The following FAM53C variants were observed in gnomAD, a reference collection of about 807,000 sequenced individuals.
The protein encoded by FAM53C is protein FAM53C.
FAM53C carries 10 observed loss-of-function variants against 34.7 expected under a neutral mutation model. The ratio of observed to expected loss-of-function variants is 0.29; its 90% CI spans 0.18 to 0.49. FAM53C has a LOEUF of 0.49. Ranked by LOEUF, FAM53C falls within the 20% of genes least tolerant of loss-of-function variation. FAM53C has a pLI of 0.99. For missense variants in FAM53C, 442 were observed against 515.3 expected, an observed-to-expected ratio of 0.86 and a Z score of 1.38; for synonymous variants, 203 against 203.6, an observed-to-expected ratio of 1.00 and a Z score of 0.03.
intron 3 of FAM53C, among the ~76,000 whole-genome samples, chr5:138,344,420 G>C (rs558901385): frequency 1.7e-3 from 262 of 152,386 alleles, no homozygotes; most frequent in Non-Finnish European, 2.8e-3. Context: ...GGGCAAGCGT[G>C]GGGGAGGGGC....
At chr5:138,341,102 G>C in intron 1 of FAM53C, 82 bp from the exon 2 acceptor site, 1 of 628,878 alleles carries the variant, frequency 1.6e-6, no homozygotes, top group South Asian at 1.5e-5. Context: ...TAGGGGTGCT[G>C]TGGTATGTGT....
Position 138,345,421 on chromosome 5 carries a change from T to C in FAM53C, c.733T>C (p.Leu245=). The C allele has an allele frequency of 6.2e-7, 1 of 1,614,032 alleles. No individual in the cohort carries two copies. Among genetic ancestry groups the C allele is most frequent in the Non-Finnish European group, 8.5e-7 (1 of 1,180,024 alleles). ...TCTGGGCCCGCAGGCAAGCCGCTTC[T>C]TGCCCTCTGCCCGGAGCTCTCCCGC... ...PSLGPQASRF[L]PSARSSPASS... The change falls in exon 4 of 5, where the codon TTG becomes CTG. Residue 245 remains leucine, a synonymous_variant. Transcript: ENST00000239906. The surrounding 1 kb of genome is among the most constrained non-coding windows in gnomAD (Gnocchi z 6.3).
At chr5:138,339,977 A>AG (rs1307788822) in intron 1 of FAM53C, among the ~76,000 whole-genome samples, 1 of 152,136 alleles carries the variant, frequency 6.6e-6, no homozygotes, top group Non-Finnish European at 1.5e-5. Flanking sequence ...CTTAGTGTGC[A>AG]GGTGAGGGAG....
At chr5:138,337,874 T>C, upstream of FAM53C, 1 of 1,008,436 alleles carries the variant, frequency 9.9e-7, no homozygotes, top group Non-Finnish European at 1.3e-6. Flanking sequence ...TGTGGCTAAT[T>C]GCGTGACGCG....
At chr5:138,338,262 G>C (rs552456163), upstream of FAM53C, 86 of 1,008,616 alleles carry the variant, frequency 8.5e-5, no homozygotes, top group Middle Eastern at 4.8e-4. Flanking sequence ...CGAACCGAGC[G>C]CTCAGAGCTG....
rs377620767 is a variant in FAM53C, at chr5:138,341,846, A to G, written c.116A>G (p.Asn39Ser). ...CATGCAGACATCTCCAACTGTGGGA[A>G]CTCTTTCCAGCTTGTGTCTGGTAAG... ...PDHADISNCG[N>S]SFQLVSEGAS... The change falls in exon 3 of 5, where the codon AAC becomes AGC. Residue 39 changes from asparagine (N) to serine (S), a missense_variant. Transcript: ENST00000239906. 3.7e-6 allele frequency: 6 copies of G among 1,613,458 alleles called. No individual in the cohort carries two copies. In the African/African-American group the frequency reaches 8.0e-5, roughly 22 times the overall value.
chr5:138,345,371 A>T lies in FAM53C; in HGVS notation c.683A>T (p.Gln228Leu), dbSNP rs746138113. ...DAESLSPCPP[Q>L]RRFSLSPSLG... ...GAGTCCTTGTCACCTTGCCCACCTC[A>T]GCGCCGCTTCTCCCTGTCACCCAGT... Residue 228 changes from glutamine to leucine, a missense_variant, in exon 4 of 5, where the codon CAG becomes CTG. Physicochemically the swap from Gln to Leu is moderately radical, Grantham distance 113. Transcript: ENST00000239906. This position sits in a 1 kb window ranked among gnomAD's most constrained non-coding sequence, Gnocchi z 6.3. 1.9e-6 allele frequency: 3 copies of T among 1,613,766 alleles called. No individual in the cohort carries two copies. The highest frequency in any genetic ancestry group is 2.7e-5 in the African/African-American group (2 of 74,864).
chr5:138,339,595 G>A (rs924615693), intron 1 of FAM53C, among the ~76,000 whole-genome samples: 10 of 152,102 alleles, frequency 6.6e-5, no homozygotes, highest in Admixed American at 2.0e-4. Context: ...GGGTCTCTAG[G>A]GTAAAATCCT....
chr5:138,340,087 C>A lies in FAM53C; in HGVS notation c.-152-1097C>A, dbSNP rs367708396. 1.2e-4 allele frequency among the ~76,000 whole-genome samples: 19 copies of A among 152,238 alleles called. No homozygotes were observed. The South Asian group carries it at 3.9e-3, about 32-fold the overall frequency. On this transcript the variant is annotated intron_variant, in intron 1 of 4. Coordinates refer to ENST00000239906, the MANE Select transcript of FAM53C (RefSeq NM_016605.3). ...GGCCTTGAAGATTCACAAACGGGAA[C>A]GAGAAATGGTAGTCTGTGTGGACTC... is the stretch of plus-strand genomic sequence containing the variant.
In FAM53C at chr5:138,347,031, A is replaced by G; in HGVS notation, c.*72A>G. 1 of 1,592,996 alleles carries G rather than the reference A, an allele frequency of 6.3e-7. No homozygotes were observed. Among genetic ancestry groups the G allele is most frequent in the African/African-American group, 1.3e-5 (1 of 74,744 alleles). Reference sequence around the variant, plus strand: ...GCTACTAACAAGTGTCGAGTCCCCAAGGCTGGGGGCCGAGCCTGGGAATGG... The same window carrying G: ...GCTACTAACAAGTGTCGAGTCCCCAGGGCTGGGGGCCGAGCCTGGGAATGG... On this transcript the variant is annotated 3_prime_UTR_variant, in exon 5 of 5. Coordinates refer to ENST00000239906, the MANE Select transcript of FAM53C (RefSeq NM_016605.3).
chr5:138,346,875 G>T lies in FAM53C; in HGVS notation c.1095G>T (p.Arg365=), dbSNP rs1196779469. The change falls in exon 5 of 5, where the codon CGG becomes CGT. Residue 365 remains arginine (R), a synonymous_variant. Transcript: ENST00000239906. ...AAGAGGAGGAGGAGGGGGCTGTGCGGTGGGGTCGGCAGGCGCTGAGCAAGC... is the reference window on the plus strand; with the variant it reads ...AAGAGGAGGAGGAGGGGGCTGTGCGTTGGGGTCGGCAGGCGCTGAGCAAGC... ...ESEEEEEGAV[R]WGRQALSKRT... The T allele has an allele frequency of 6.2e-7, 1 of 1,614,188 alleles. No individual in the cohort carries two copies. Among genetic ancestry groups the T allele is most frequent in the East Asian group, 2.2e-5 (1 of 44,886 alleles).
At chr5:138,338,235 T>G (rs1203002446), upstream of FAM53C, 1 of 1,220,280 alleles carries the variant, frequency 8.2e-7, no homozygotes, top group Admixed American at 2.3e-5. Flanking sequence ...CCAGCGCCTT[T>G]TAAGGGCACC....
In FAM53C at chr5:138,341,789, G is replaced by C; in HGVS notation, c.79-20G>C. The C allele has an allele frequency of 6.2e-7, 1 of 1,612,870 alleles. No homozygotes were observed. The highest frequency in any genetic ancestry group is 8.5e-7 in the Non-Finnish European group (1 of 1,178,842). On this transcript the variant is annotated intron_variant, in intron 2 of 4. Coordinates refer to ENST00000239906, the MANE Select transcript of FAM53C (RefSeq NM_016605.3). Reference sequence around the variant, plus strand: ...GTGTGTCCTGAATCCAAATCATGATGGATATTCTCTCTTTCTTAGCCTTTG... The same window carrying C: ...GTGTGTCCTGAATCCAAATCATGATCGATATTCTCTCTTTCTTAGCCTTTG...
At chr5:138,342,226 T>C (rs1422822409) in intron 3 of FAM53C, 1 of 239,142 alleles carries the variant, frequency 4.2e-6, no homozygotes, top group South Asian at 1.0e-4. Flanking sequence ...TAGTTTCTTA[T>C]ACAGTATATG....
At chr5:138,346,060 A>T (rs1158717070) in intron 4 of FAM53C, among the ~76,000 whole-genome samples, 2 of 152,160 alleles carry the variant, frequency 1.3e-5, no homozygotes, top group Non-Finnish European at 2.9e-5. Flanking sequence ...TGTTAGACAA[A>T]TGTTTTTTGA....
chr5:138,345,279 C>G lies in FAM53C; in HGVS notation c.591C>G (p.Ala197=). The G allele has an allele frequency of 6.2e-7, 1 of 1,614,224 alleles. No individual in the cohort carries two copies. Among genetic ancestry groups the G allele is most frequent in the South Asian group, 1.1e-5 (1 of 91,088 alleles). ...RPYSPPFFSL[A]LAQDSSRPCA... Reference sequence around the variant, plus strand: ...ACAGCCCTCCTTTCTTCAGCCTGGCCCTGGCCCAAGATTCCTCTCGACCCT... The same window carrying G: ...ACAGCCCTCCTTTCTTCAGCCTGGCGCTGGCCCAAGATTCCTCTCGACCCT... Residue 197 remains alanine (A), a synonymous_variant, in exon 4 of 5, where the codon GCC becomes GCG. Coordinates refer to ENST00000239906, the MANE Select transcript of FAM53C (RefSeq NM_016605.3). This position sits in a 1 kb window ranked among gnomAD's most constrained non-coding sequence, Gnocchi z 6.3.
chr5:138,341,979 G>C (rs1217687815), intron 3 of FAM53C, 113 bp downstream of exon 3: 6 of 944,530 alleles, frequency 6.4e-6, no homozygotes, highest in Non-Finnish European at 1.0e-5. Context: ...GAACCTTCTT[G>C]CCAGGGTCAA....
intron 1 of FAM53C, among the ~76,000 whole-genome samples, chr5:138,339,260 AAG>A (rs775090990): frequency 6.6e-6 from 1 of 152,196 alleles, no homozygotes; most frequent in Non-Finnish European, 1.5e-5. Flanking sequence ...CTGCTTGAGA[AAG>A]AGGAGGCCCC....
At position 138,345,724 on chromosome 5, in the gene FAM53C, C is replaced by A; in HGVS notation, c.921+115C>A. The A allele has an allele frequency of 3.2e-6, 4 of 1,238,546 alleles. No individual in the cohort carries two copies. Among genetic ancestry groups the A allele is most frequent in the Non-Finnish European group, 4.5e-6 (4 of 893,404 alleles). 76.7% of individuals were successfully genotyped at this position (1,238,546 alleles called of 1,614,324 possible). ...GCCGCCCCCACCACCAACAGCACCTCCTTTAGCTCTTAGCTAGGGTGACCT... is the reference window on the plus strand; with the variant it reads ...GCCGCCCCCACCACCAACAGCACCTACTTTAGCTCTTAGCTAGGGTGACCT... On this transcript the variant is annotated intron_variant, in intron 4 of 4. Coordinates refer to ENST00000239906, the MANE Select transcript of FAM53C (RefSeq NM_016605.3). The surrounding 1 kb of genome is among the most constrained non-coding windows in gnomAD (Gnocchi z 6.3).
Sources: gnomAD v4.1 joint callset for allele counts (sites outside exome capture counted in the v4.1 genomes callset) on GRCh38, gnomAD v4.1.1 for gene constraint, Gnocchi (gnomAD v3.1) non-coding constraint, MANE v1.5 for transcripts, NCBI Gene and HGNC (gene_info 2026-07-23, HGNC 2026-07-21) for gene names.